The following GALNT9 variants were observed in gnomAD, a reference collection of about 807,000 sequenced individuals.
GALNT9 encodes GalNAc transferase 9.
In GALNT9, 47 loss-of-function variants were observed where a neutral mutation model predicts 63.1. That is an observed-to-expected ratio of 0.75 (90% CI 0.59 to 0.95). The LOEUF (loss-of-function observed/expected upper bound fraction) is 0.95, where lower values mean the gene tolerates loss of function less well. Among genes scored for constraint, GALNT9 ranks in the 40% least tolerant of loss-of-function variants. GALNT9 has a pLI of 0.00. For synonymous variants in GALNT9, 396 were observed against 365.7 expected, an observed-to-expected ratio of 1.08 and a Z score of -0.94; for missense variants, 829 against 874.8, an observed-to-expected ratio of 0.95 and a Z score of 0.66.
intron 6 of GALNT9, among the ~76,000 whole-genome samples, chr12:132,231,047 G>A (rs1003814306): frequency 1.0e-4 from 14 of 139,930 alleles, no homozygotes; most frequent in Non-Finnish European, 2.0e-4. Context: ...CGACAGAGGA[G>A]ACAGCGTGGA....
rs1875509916 is a variant in GALNT9 at position 132,196,409 on chromosome 12, AGGCAAGG to A, written c.*691_*697del. 1 of 984,052 alleles carries A rather than the reference AGGCAAGG, an allele frequency of 1.0e-6. No individual in the cohort carries two copies. Among genetic ancestry groups the A allele is most frequent in the South Asian group, 4.7e-5 (1 of 21,260 alleles). 61.0% of individuals were successfully genotyped at this position (984,052 alleles called of 1,614,324 possible). On this transcript the variant is annotated 3_prime_UTR_variant, in exon 11 of 11. Transcript: ENST00000328957. ...CCAATAAAACTGTATTTATTAAAAC[AGGCAAGG>A]GGCTGGGCTGCGGCAGGGCCCAGGT...
intron 8 of GALNT9, chr12:132,200,738 A>G (rs11246986): frequency 0.15 from 30,243 of 206,756 alleles, 2,869 homozygotes; most frequent in Middle Eastern, 0.31. Flanking sequence ...AGGTGAGTGC[A>G]TGTATCCCTA....
intron 6 of GALNT9, among the ~76,000 whole-genome samples, chr12:132,214,877 C>T (rs1367648244): frequency 6.6e-6 from 1 of 152,250 alleles, no homozygotes; most frequent in African/African-American, 2.4e-5. Flanking sequence ...CATTCCTGCT[C>T]AGCTCCTGAT....
chr12:132,316,825 C>T lies in GALNT9; in HGVS notation c.238+12141G>A, dbSNP rs1291546731. On this transcript the variant is annotated intron_variant, in intron 1 of 10. Transcript: ENST00000328957. The surrounding 1 kb of genome is among the most constrained non-coding windows in gnomAD (Gnocchi z 4.3). ...GTGAGACCTGGGCAGGTTTGGCTGT[C>T]ACACCTGGGGAGGGGTGGGGCAGCT... Among the ~76,000 whole-genome samples the T allele has an allele frequency of 1.3e-5, 2 of 151,972 alleles. No individual in the cohort carries two copies. Among genetic ancestry groups the T allele is most frequent in the South Asian group, 2.1e-4 (1 of 4,834 alleles).
At position 132,247,955 on chromosome 12, in the gene GALNT9, G is replaced by A. The variant is rs1381487011; in HGVS notation, c.1032C>T (p.Pro344=). ...EYFGDIGLLD[P]GMEVYGGENV... ...TCTCGCCGCCATACACCTCCATGCCGGGGTCCAGCAGCCCAATGTCTCCGA... is the reference window on the plus strand; with the variant it reads ...TCTCGCCGCCATACACCTCCATGCCAGGGTCCAGCAGCCCAATGTCTCCGA... The change falls in exon 6 of 11, where the codon CCC becomes CCT. Residue 344 remains proline (P), a synonymous_variant. Transcript: ENST00000328957. The A allele has an allele frequency of 9.0e-6, 14 of 1,551,420 alleles. No individual in the cohort carries two copies. In the Admixed American group the frequency reaches 1.8e-4, roughly 20 times the overall value.
At chr12:132,208,781 C>T (rs1478667843) in intron 6 of GALNT9, among the ~76,000 whole-genome samples, 1 of 152,222 alleles carries the variant, frequency 6.6e-6, no homozygotes, top group African/African-American at 2.4e-5. Flanking sequence ...CGCAACATTT[C>T]AGAGTGGATT....
intron 1 of GALNT9, among the ~76,000 whole-genome samples, chr12:132,305,069 A>G (rs1172825784): frequency 1.4e-5 from 1 of 71,302 alleles, no homozygotes; most frequent in African/African-American, 7.7e-5. Flanking sequence ...GCCCAGACAC[A>G]CCCTCACCTG....
chr12:132,239,335 GAGTCAGAGAC>G (rs1878129197), intron 6 of GALNT9, among the ~76,000 whole-genome samples: 4 of 133,136 alleles, frequency 3.0e-5, no homozygotes, highest in South Asian at 2.5e-4. Context: ...GAGAGAGACA[GAGTCAGAGAC>G]AGAGTCAGAG....
intron 5 of GALNT9, among the ~76,000 whole-genome samples, chr12:132,256,331 C>T (rs868908176): frequency 9.9e-5 from 15 of 151,960 alleles, no homozygotes; most frequent in Middle Eastern, 3.4e-3. Flanking sequence ...TCAGCATGAG[C>T]CTCTACATCT....
chr12:132,268,309 AC>A (rs1879733142), intron 2 of GALNT9, among the ~76,000 whole-genome samples: 1 of 152,110 alleles, frequency 6.6e-6, no homozygotes, highest in African/African-American at 2.4e-5. Context: ...GTATGCTCTC[AC>A]ACACACACCT....
rs530888732 is a variant in GALNT9, at chr12:132,222,406, C to T, written c.1078-18716G>A. ...CAGCCTGGGCAACATGGTGAAACCC[C>T]ATCTCCTCACAAAAAGTAGATACAG... On this transcript the variant is annotated intron_variant, in intron 6 of 10. Coordinates refer to ENST00000328957, the MANE Select transcript of GALNT9 (RefSeq NM_001122636.2). 7.2e-5 allele frequency among the ~76,000 whole-genome samples: 11 copies of T among 152,184 alleles called. 1 individual carries two copies. In the South Asian group the frequency reaches 1.9e-3, roughly 26 times the overall value.
At chr12:132,295,964 CG>C (rs1279212965) in intron 1 of GALNT9, among the ~76,000 whole-genome samples, 9 of 149,264 alleles carry the variant, frequency 6.0e-5, no homozygotes, top group South Asian at 2.2e-4. Context: ...GGACGGCCTC[CG>C]GAACAGGGAG....
intron 5 of GALNT9, among the ~76,000 whole-genome samples, chr12:132,250,030 C>T (rs910406636): frequency 2.6e-5 from 4 of 152,208 alleles, no homozygotes; most frequent in African/African-American, 7.2e-5. Flanking sequence ...GCATCAGAAG[C>T]GACTCAGCCC....
intron 4 of GALNT9, among the ~76,000 whole-genome samples, chr12:132,259,897 T>G (rs28452938): frequency 0.56 from 84,205 of 150,668 alleles, 25,659 homozygotes; most frequent in African/African-American, 0.83. Context: ...GGGGAAAATG[T>G]CCTCCCGGGT....
At position 132,257,697 on chromosome 12, in the gene GALNT9, T is replaced by C; in HGVS notation, c.951A>G (p.Ala317=). 6.5e-7 allele frequency: 1 copy of C among 1,549,232 alleles called. No individual in the cohort carries two copies. ...QDWLDRGDES[A]PIRTPAMIGC... ...CTGAGGGCGCAGCTCACCTGATGGG[T>C]GCTGACTCGTCGCCGCGGTCCAGCC... The change falls in exon 5 of 11, where the codon GCA becomes GCG. Residue 317 remains alanine, a synonymous_variant. Transcript: ENST00000328957.
intron 1 of GALNT9, among the ~76,000 whole-genome samples, chr12:132,292,053 G>C (rs1376730997): frequency 6.6e-6 from 1 of 152,272 alleles, no homozygotes; most frequent in East Asian, 1.9e-4. Context: ...CCTCAGCTCT[G>C]GGTTGCACCC....
At position 132,236,975 on chromosome 12, in the gene GALNT9, C is replaced by G. The variant is rs1160259236; in HGVS notation, c.1077+10935G>C. Among the ~76,000 whole-genome samples, 1 of 152,198 alleles carries G rather than the reference C, an allele frequency of 6.6e-6. No individual in the cohort carries two copies. The highest frequency in any genetic ancestry group is 6.5e-5 in the Admixed American group (1 of 15,286). ...TCTTATCCTCATCCAATCTGGTAAC[C>G]CTCGTATCCTGGATCTCTCCGGGTG... On this transcript the variant is annotated intron_variant, in intron 6 of 10. Coordinates refer to ENST00000328957, the MANE Select transcript of GALNT9 (RefSeq NM_001122636.2). This position sits in a 1 kb window ranked among gnomAD's most constrained non-coding sequence, Gnocchi z 5.6.
intron 2 of GALNT9, among the ~76,000 whole-genome samples, chr12:132,267,584 C>T (rs543715570): frequency 1.3e-5 from 2 of 152,296 alleles, no homozygotes; most frequent in South Asian, 4.1e-4. Flanking sequence ...AAGAACCAAG[C>T]GGGAGGACTC....
At position 132,203,657 on chromosome 12, in the gene GALNT9, G is replaced by T; in HGVS notation, c.1111C>A (p.Pro371Thr). 1 of 1,613,544 alleles carries T rather than the reference G, an allele frequency of 6.2e-7. No homozygotes were observed. The highest frequency in any genetic ancestry group is 8.5e-7 in the Non-Finnish European group (1 of 1,179,784). ...TCGATGTGGGCCACGCGGGAGCAGG[G>T]CAGCACCTCCATGCTGCCGCCACAC... Reference protein sequence around the residue: ...WQCGGSMEVLPCSRVAHIERT... With the variant: ...WQCGGSMEVLTCSRVAHIERT... The change falls in exon 7 of 11, where the codon CCC becomes ACC. Residue 371 changes from proline to threonine, a missense_variant. Physicochemically the swap from Pro to Thr is conservative, Grantham distance 38. Coordinates refer to ENST00000328957, the MANE Select transcript of GALNT9 (RefSeq NM_001122636.2).
Sources: allele counts gnomAD v4.1 joint callset (sites outside exome capture counted in the v4.1 genomes callset), GRCh38; gene constraint gnomAD v4.1.1; non-coding constraint Gnocchi (gnomAD v3.1); transcripts MANE v1.5; gene names NCBI Gene and HGNC (gene_info 2026-07-23, HGNC 2026-07-21).